OPCML: variants seen among roughly 807,000 people sequenced by gnomAD.
OPCML encodes opioid binding protein/cell adhesion molecule like.
A neutral mutation model predicts 37.8 loss-of-function variants in OPCML; 13 were observed. The ratio of observed to expected loss-of-function variants is 0.34; its 90% CI spans 0.22 to 0.55. The LOEUF is 0.55. Among genes scored for constraint, OPCML ranks in the 20% least tolerant of loss-of-function variants. The pLI is 0.91. For missense variants in OPCML, 341 were observed against 435.6 expected (o/e 0.78, Z 1.93); for synonymous variants, 176 against 168.8 (o/e 1.04, Z -0.33).
rs376481060 is a variant in OPCML at position 133,524,354 on chromosome 11, G to A, written c.61+7910C>T. On this transcript the variant is annotated intron_variant, in intron 1 of 7. Transcript: ENST00000524381. ...ACCTTTTCCATATGAACATCAACCCGTTTAAGCATTGATTGACCATTCATG... is the reference window on the plus strand; with the variant it reads ...ACCTTTTCCATATGAACATCAACCCATTTAAGCATTGATTGACCATTCATG... 5.9e-5 allele frequency among the ~76,000 whole-genome samples: 9 copies of A among 152,256 alleles called. No individual in the cohort carries two copies. The East Asian group carries it at 7.7e-4, about 13-fold the overall frequency.
chr11:132,943,094 C>G lies in OPCML; in HGVS notation c.62-84G>C, dbSNP rs200562209. On this transcript the variant is annotated intron_variant, in intron 1 of 7. Coordinates refer to ENST00000524381, the MANE Select transcript of OPCML (RefSeq NM_001012393.5). This position sits in a 1 kb window ranked among gnomAD's most constrained non-coding sequence, Gnocchi z 4.3. ...GAACAGGTACCCACAGACCCCCATT[C>G]TCGACAGCCACAACTTCCCAGGACT... 68 of 1,614,014 alleles carry G rather than the reference C, an allele frequency of 4.2e-5. No individual in the cohort carries two copies. The highest frequency in any genetic ancestry group is 8.3e-5 in the Admixed American group (5 of 60,014).
At chr11:132,728,217 C>T (rs1251159889) in intron 2 of OPCML, among the ~76,000 whole-genome samples, 1 of 152,190 alleles carries the variant, frequency 6.6e-6, no homozygotes, top group Non-Finnish European at 1.5e-5. Context: ...GCTCCTGTAG[C>T]CCCAGGCAGA....
In OPCML at chr11:133,140,531, TAAGAAGAAGAAGAAG is replaced by T. The variant is rs1168417109; in HGVS notation, c.62-197536_62-197522del. 1.6e-3 allele frequency among the ~76,000 whole-genome samples: 139 copies of T among 88,092 alleles called. 1 individual carries two copies. Among genetic ancestry groups the T allele is most frequent in the African/African-American group, 5.2e-3 (127 of 24,592 alleles). The allele number at this position is 88,092 out of a possible 152,430, so 57.8% of individuals were successfully genotyped here. On this transcript the variant is annotated intron_variant, in intron 1 of 7. Transcript: ENST00000524381. ...TGTCTCAAAATAATAATAATAATAA[TAAGAAGAAGAAGAAG>T]AAGAAGAAGAAGAAGAAGAAGAAGA...
intron 1 of OPCML, among the ~76,000 whole-genome samples, chr11:133,320,492 A>G (rs150461281): frequency 1.5e-4 from 23 of 152,284 alleles, no homozygotes; most frequent in African/African-American, 4.8e-4. Context: ...GTTGTAATTA[A>G]ATGAGAAAAT....
intron 7 of OPCML, among the ~76,000 whole-genome samples, chr11:132,429,846 C>T (rs1314432479): frequency 6.6e-6 from 1 of 152,170 alleles, no homozygotes. Flanking sequence ...TACCTCACCA[C>T]TGGGTGCCTG....
At chr11:133,144,036 T>C (rs1949862700) in intron 1 of OPCML, among the ~76,000 whole-genome samples, 1 of 152,212 alleles carries the variant, frequency 6.6e-6, no homozygotes, top group Non-Finnish European at 1.5e-5. Context: ...AGGTGCCACT[T>C]AGGGTCTGCC....
intron 3 of OPCML, among the ~76,000 whole-genome samples, chr11:132,627,669 T>C (rs1302891550): frequency 1.3e-5 from 2 of 152,184 alleles, no homozygotes; most frequent in African/African-American, 4.8e-5. Flanking sequence ...GCTAGATAAG[T>C]CATGAAGCAA....
At chr11:132,923,024 C>T (rs112531373) in intron 2 of OPCML, among the ~76,000 whole-genome samples, 3 of 151,486 alleles carry the variant, frequency 2.0e-5, no homozygotes, top group Non-Finnish European at 2.9e-5. Flanking sequence ...TATTGGGCCA[C>T]GATTGCACCA....
intron 2 of OPCML, among the ~76,000 whole-genome samples, chr11:132,703,291 T>A (rs750620199): frequency 6.6e-6 from 1 of 152,220 alleles, no homozygotes. Flanking sequence ...TAAGTATTCA[T>A]GTATCTAAAT....
intron 7 of OPCML, among the ~76,000 whole-genome samples, chr11:132,425,767 A>G (rs2095975911): frequency 6.6e-6 from 1 of 152,202 alleles, no homozygotes; most frequent in Admixed American, 6.5e-5. Context: ...TCCCTTCTGG[A>G]AAGGCCTGAA....
At chr11:133,185,793 C>A (rs183962699) in intron 1 of OPCML, among the ~76,000 whole-genome samples, 5 of 152,264 alleles carry the variant, frequency 3.3e-5, no homozygotes, top group African/African-American at 7.2e-5. Context: ...CCCATTTTCC[C>A]ACCATGACTT....
At chr11:132,542,197 G>T (rs2096358238) in intron 3 of OPCML, among the ~76,000 whole-genome samples, 1 of 152,090 alleles carries the variant, frequency 6.6e-6, no homozygotes, top group Non-Finnish European at 1.5e-5. Context: ...CACATTTTAA[G>T]CCACTCCTGG....
chr11:132,680,765 T>A (rs541260942), intron 2 of OPCML, among the ~76,000 whole-genome samples: 2 of 152,226 alleles, frequency 1.3e-5, no homozygotes, highest in African/African-American at 4.8e-5. Context: ...TGGGGGCCTA[T>A]TAGCCAGGCC....
At chr11:132,501,770 A>G (rs1392396331) in intron 4 of OPCML, among the ~76,000 whole-genome samples, 1 of 152,256 alleles carries the variant, frequency 6.6e-6, no homozygotes, top group Non-Finnish European at 1.5e-5. Context: ...GCAAAGGAAG[A>G]TACAGGGTAA....
At chr11:133,081,545 C>G (rs1560530) in intron 1 of OPCML, among the ~76,000 whole-genome samples, 27,422 of 152,148 alleles carry the variant, frequency 0.18, 2,821 homozygotes, top group African/African-American at 0.27. Flanking sequence ...TTTTGTTTTC[C>G]ACATCCTGAG....
chr11:132,754,326 C>T (rs1235023804), intron 2 of OPCML, among the ~76,000 whole-genome samples: 1 of 152,104 alleles, frequency 6.6e-6, no homozygotes, highest in Non-Finnish European at 1.5e-5. Context: ...TAAGTCTTTC[C>T]TGTGCTATTC....
chr11:132,894,829 C>T (rs955567312), intron 2 of OPCML, among the ~76,000 whole-genome samples: 1 of 152,202 alleles, frequency 6.6e-6, no homozygotes, highest in South Asian at 2.1e-4. Context: ...CCACTCCTAC[C>T]CCAGGTTTTC....
Position 132,943,164 on chromosome 11 carries a change from G to T in OPCML, c.62-154C>A. On this transcript the variant is annotated intron_variant, in intron 1 of 7. Coordinates refer to ENST00000524381, the MANE Select transcript of OPCML (RefSeq NM_001012393.5). The surrounding 1 kb of genome is among the most constrained non-coding windows in gnomAD (Gnocchi z 4.3). Reference sequence around the variant, plus strand: ...GGTCCCCCGCCCCGCGCACCAGCGGGCTCGGGAAGCGGTGCGGGGAGGAGG... The same window carrying T: ...GGTCCCCCGCCCCGCGCACCAGCGGTCTCGGGAAGCGGTGCGGGGAGGAGG... The T allele has an allele frequency of 6.3e-7, 1 of 1,599,040 alleles. No individual in the cohort carries two copies. The highest frequency in any genetic ancestry group is 8.6e-7 in the Non-Finnish European group (1 of 1,169,200).
Position 132,606,959 on chromosome 11 carries a change from G to A in OPCML, c.379+50128C>T, listed in dbSNP as rs187364986. Reference sequence around the variant, plus strand: ...AATTGCTTCCCAGGGGTTTCTGTCTGTTAGGTTTCAGTTCCATGAGTATGT... The same window carrying A: ...AATTGCTTCCCAGGGGTTTCTGTCTATTAGGTTTCAGTTCCATGAGTATGT... On this transcript the variant is annotated intron_variant, in intron 3 of 7. Coordinates refer to ENST00000524381, the MANE Select transcript of OPCML (RefSeq NM_001012393.5). Among the ~76,000 whole-genome samples the A allele has an allele frequency of 1.6e-4, 25 of 152,262 alleles. 1 individual carries two copies. In the East Asian group the frequency reaches 4.8e-3, roughly 29 times the overall value.
Sources: allele counts gnomAD v4.1 joint callset (sites outside exome capture counted in the v4.1 genomes callset), GRCh38; gene constraint gnomAD v4.1.1; non-coding constraint Gnocchi (gnomAD v3.1); transcripts MANE v1.5; gene names NCBI Gene and HGNC (gene_info 2026-07-23, HGNC 2026-07-21).